THOC1: variants seen among roughly 807,000 people sequenced by gnomAD.
THOC1 encodes the protein THO complex 1.
Under a neutral mutation model 97.3 loss-of-function variants are expected in THOC1, and 29 were observed. The ratio of observed to expected loss-of-function variants is 0.30; its 90% CI spans 0.22 to 0.41. THOC1 has a LOEUF of 0.41. THOC1 is among the 10% of genes least tolerant of loss of function. THOC1 has a pLI of 1.00. For synonymous variants in THOC1, 255 were observed against 257.0 expected (o/e 0.99, Z 0.07); for missense variants, 529 against 761.9 (o/e 0.69, Z 3.60).
At chr18:266,794 C>G (rs981697109) in intron 1 of THOC1, among the ~76,000 whole-genome samples, 2 of 152,178 alleles carry the variant, frequency 1.3e-5, no homozygotes, top group Non-Finnish European at 2.9e-5. Flanking sequence ...GCCTCGGCCT[C>G]CCGAAGTACT....
At chr18:214,977 GA>G in intron 20 of THOC1, 56 bp from the exon 21 acceptor site, 2 of 1,536,492 alleles carry the variant, frequency 1.3e-6, no homozygotes, top group Non-Finnish European at 1.8e-6. Flanking sequence ...AACAGAAATG[GA>G]AAGCTATGGG....
intron 8 of THOC1, among the ~76,000 whole-genome samples, chr18:253,193 C>A (rs796989550): frequency 3.3e-5 from 5 of 152,252 alleles, no homozygotes; most frequent in African/African-American, 1.2e-4. Context: ...TTGGTATAAC[C>A]TTTTTGAGAA....
At chr18:267,191 G>C (rs1175107600) in intron 1 of THOC1, among the ~76,000 whole-genome samples, 9 of 152,102 alleles carry the variant, frequency 5.9e-5, no homozygotes, top group Non-Finnish European at 1.3e-4. Flanking sequence ...CAACTTAAAA[G>C]TGTTCTTCAT....
Position 223,965 on chromosome 18 carries a change from TATCTATGTGTGTACCAAACACA to T in THOC1, c.1304+97_1304+118del, listed in dbSNP as rs1205901329. 4.4e-5 allele frequency: 33 copies of T among 755,064 alleles called. No individual in the cohort carries two copies. In the African/African-American group the frequency reaches 5.4e-4, roughly 12 times the overall value. 46.8% of individuals were successfully genotyped at this position (755,064 alleles called of 1,614,324 possible). The stretch of plus-strand genomic sequence containing the variant: ...TATAGACAGTGCGGTTTGCTTTGGC[TATCTATGTGTGTACCAAACACA>T]ATCTCATACTATATTTTGGATGGAG... On this transcript the variant is annotated intron_variant, in intron 16 of 20. Transcript: ENST00000261600.
intron 11 of THOC1, among the ~76,000 whole-genome samples, chr18:234,686 G>A (rs994135439): frequency 4.6e-5 from 7 of 151,936 alleles, no homozygotes; most frequent in African/African-American, 1.2e-4. Context: ...CCAGCCAATC[G>A]GTTGTTAATC....
chr18:229,515 AT>A lies in THOC1; in HGVS notation c.919-2615del, dbSNP rs1376890444. On this transcript the variant is annotated intron_variant, in intron 11 of 20. Coordinates refer to ENST00000261600, the MANE Select transcript of THOC1 (RefSeq NM_005131.3). ...GCCAACATGGTGAAACCCCGTCTCT[AT>A]TTAAAAAAAAAAAAAATTAGCGGGG... is the stretch of plus-strand genomic sequence containing the variant. Among the ~76,000 whole-genome samples, 5 of 83,682 alleles carry A rather than the reference AT, an allele frequency of 6.0e-5. No homozygotes were observed. In the South Asian group the frequency reaches 2.3e-3, roughly 38 times the overall value. The allele number at this position is 83,682 out of a possible 152,430, so 54.9% of individuals were successfully genotyped here.
intron 11 of THOC1, among the ~76,000 whole-genome samples, chr18:239,303 ATTTT>A (rs925470326): frequency 3.3e-5 from 5 of 152,070 alleles, no homozygotes; most frequent in African/African-American, 1.2e-4. Flanking sequence ...ACTTTTATTT[ATTTT>A]ATTTATTTAT....
At chr18:227,946 TA>T (rs199524212) in intron 11 of THOC1, among the ~76,000 whole-genome samples, 8 of 149,702 alleles carry the variant, frequency 5.3e-5, no homozygotes, top group African/African-American at 7.4e-5. Flanking sequence ...CTCCAGGTCT[TA>T]AAAAAAAAAA....
chr18:267,742 G>A (rs985199087), intron 1 of THOC1, among the ~76,000 whole-genome samples: 1 of 152,230 alleles, frequency 6.6e-6, no homozygotes, highest in Admixed American at 6.5e-5. Flanking sequence ...ACGCAGTCCG[G>A]GGACCCGCTG....
At chr18:267,652 A>G (rs1287720927) in intron 1 of THOC1, among the ~76,000 whole-genome samples, 1 of 151,786 alleles carries the variant, frequency 6.6e-6, no homozygotes, top group East Asian at 2.0e-4. Flanking sequence ...CACCTGCCCC[A>G]CTAAACGAGC....
intron 19 of THOC1, chr18:216,100 C>T: frequency 1.2e-5 from 2 of 165,652 alleles, no homozygotes; most frequent in Non-Finnish European, 2.6e-5. Context: ...ACTACAGGCA[C>T]GTGCCACCAC....
intron 16 of THOC1, 76 bp from the exon 17 acceptor site, chr18:223,581 C>T: frequency 1.7e-6 from 2 of 1,159,876 alleles, no homozygotes; most frequent in Non-Finnish European, 2.5e-6. Flanking sequence ...AACAGAAAAA[C>T]AATACAATGT....
At chr18:232,218 C>T (rs1043118303) in intron 11 of THOC1, among the ~76,000 whole-genome samples, 9 of 152,188 alleles carry the variant, frequency 5.9e-5, no homozygotes, top group African/African-American at 2.2e-4. Flanking sequence ...GCCTCAGCCT[C>T]CCCTGTAGCT....
At chr18:259,773 T>TA in intron 5 of THOC1, 43 bp from the exon 6 acceptor site, 1 of 1,430,014 alleles carries the variant, frequency 7.0e-7, no homozygotes, top group Non-Finnish European at 9.5e-7. Context: ...CAGAACTTGT[T>TA]ACACATTCTT....
chr18:223,573 C>T, intron 16 of THOC1, 68 bp from the exon 17 acceptor site: 1 of 1,230,806 alleles, frequency 8.1e-7, no homozygotes, highest in Non-Finnish European at 1.1e-6. Context: ...TGAAACTGAA[C>T]AGAAAAACAA....
intron 19 of THOC1, 60 bp from the exon 20 acceptor site, chr18:215,564 T>C: frequency 7.1e-7 from 1 of 1,409,602 alleles, no homozygotes; most frequent in Non-Finnish European, 1.0e-6. Flanking sequence ...AGGTAACAGG[T>C]ATTTTGTTTG....
At position 224,261 on chromosome 18, in the gene THOC1, T is replaced by G. The variant is rs541746017; in HGVS notation, c.1209-82A>C. The G allele has an allele frequency of 2.7e-5, 30 of 1,095,564 alleles. No homozygotes were observed. In the Admixed American group the frequency reaches 5.9e-4, roughly 22 times the overall value. The allele number at this position is 1,095,564 out of a possible 1,614,324, so 67.9% of individuals were successfully genotyped here. A position where few individuals can be genotyped will look rare whatever the true frequency, so the allele number is the denominator to read the frequency against. On this transcript the variant is annotated intron_variant, in intron 15 of 20. Transcript: ENST00000261600. ...AAGAATGTTTAACGTAAAAGAAAAT[T>G]TAGTTATTGTTTTCCTCTTAAAAAA...
intron 7 of THOC1, among the ~76,000 whole-genome samples, chr18:255,199 G>A (rs1598304632): frequency 6.6e-6 from 1 of 152,300 alleles, no homozygotes; most frequent in South Asian, 2.1e-4. Context: ...TAAGTGTCAA[G>A]TAAAAGGATG....
At position 254,710 on chromosome 18, in the gene THOC1, T is replaced by C. The variant is rs1359562122; in HGVS notation, c.521-355A>G. On this transcript the variant is annotated intron_variant, in intron 7 of 20. Transcript: ENST00000261600. The surrounding 1 kb of genome is among the most constrained non-coding windows in gnomAD (Gnocchi z 4.1). Reference sequence around the variant, plus strand: ...ACTTTTTCATTATTATTATATCTGTTATGATGATCTGTGATCAGTGATCTT... The same window carrying C: ...ACTTTTTCATTATTATTATATCTGTCATGATGATCTGTGATCAGTGATCTT... 6.6e-6 allele frequency among the ~76,000 whole-genome samples: 1 copy of C among 152,234 alleles called. No homozygotes were observed. The highest frequency in any genetic ancestry group is 1.5e-5 in the Non-Finnish European group (1 of 68,036).
Sources: allele counts gnomAD v4.1 joint callset (sites outside exome capture counted in the v4.1 genomes callset), GRCh38; gene constraint gnomAD v4.1.1; non-coding constraint Gnocchi (gnomAD v3.1); transcripts MANE v1.5; gene names NCBI Gene and HGNC (gene_info 2026-07-23, HGNC 2026-07-21).